Variants in GABRG1 observed in about 807,000 individuals in gnomAD.
GABRG1 encodes the protein gamma-aminobutyric acid receptor subunit gamma-1.
A neutral mutation model predicts 49.8 loss-of-function variants in GABRG1; 49 were observed. That is an observed-to-expected ratio of 0.98 (90% CI 0.78 to 1.25). GABRG1 has a LOEUF of 1.25. Ranked by LOEUF, GABRG1 falls within the 50% of genes most tolerant of loss-of-function variation. The probability of loss-of-function intolerance (pLI) is 0.00; values close to 1 mark genes in which losing one functional copy is unlikely to be tolerated. For missense variants in GABRG1, 552 were observed against 552.3 expected, an observed-to-expected ratio of 1.00 and a Z score of 0.01; for synonymous variants, 232 against 185.1, an observed-to-expected ratio of 1.25 and a Z score of -2.06.
At chr4:46,088,387 A>T (rs11931917) in intron 2 of GABRG1, among the ~76,000 whole-genome samples, 2 of 151,768 alleles carry the variant, frequency 1.3e-5, no homozygotes, top group Non-Finnish European at 2.9e-5. Flanking sequence ...TAAACACAAA[A>T]TATTTCTGTG....
chr4:46,067,270 T>A (rs936658123), intron 3 of GABRG1, among the ~76,000 whole-genome samples: 8 of 152,108 alleles, frequency 5.3e-5, no homozygotes, highest in Non-Finnish European at 7.4e-5. Flanking sequence ...CCTCATTTTA[T>A]CTATTTTTGA....
chr4:46,082,117 T>A (rs1461538928), intron 3 of GABRG1, among the ~76,000 whole-genome samples: 2 of 151,844 alleles, frequency 1.3e-5, no homozygotes, highest in Non-Finnish European at 2.9e-5. Flanking sequence ...GAAATGGGAT[T>A]ATTAGCGTTT....
At chr4:46,061,325 A>G (rs1427352335) in intron 5 of GABRG1, among the ~76,000 whole-genome samples, 1 of 152,104 alleles carries the variant, frequency 6.6e-6, no homozygotes, top group Non-Finnish European at 1.5e-5. Context: ...TCATTAAGAA[A>G]ATTCAAGAAT....
chr4:46,079,038 G>C (rs565262598), intron 3 of GABRG1, among the ~76,000 whole-genome samples: 1 of 150,430 alleles, frequency 6.6e-6, no homozygotes, highest in South Asian at 2.1e-4. Context: ...TGTGACTTCT[G>C]TAGCTCCACA....
intron 2 of GABRG1, among the ~76,000 whole-genome samples, chr4:46,091,016 A>G (rs1252848620): frequency 6.6e-6 from 1 of 151,350 alleles, no homozygotes; most frequent in Admixed American, 6.6e-5. Flanking sequence ...CGGACATTCT[A>G]CATGGGATTT....
chr4:46,097,056 G>T, intron 2 of GABRG1, 145 bp downstream of exon 2: 1 of 657,538 alleles, frequency 1.5e-6, no homozygotes, highest in Non-Finnish European at 2.3e-6. Flanking sequence ...AAACATTAGT[G>T]ACCATTCTAA....
At chr4:46,109,873 G>T (rs1720665824) in intron 1 of GABRG1, among the ~76,000 whole-genome samples, 1 of 151,046 alleles carries the variant, frequency 6.6e-6, no homozygotes, top group African/African-American at 2.4e-5. Flanking sequence ...TGTGGTCCAA[G>T]ACTATAGGTG....
chr4:46,076,286 A>G (rs971941712), intron 3 of GABRG1, among the ~76,000 whole-genome samples: 21 of 148,146 alleles, frequency 1.4e-4, no homozygotes, highest in Non-Finnish European at 2.4e-4. Context: ...TAACATATGT[A>G]TCTCTACACA....
At chr4:46,101,664 C>A (rs1281786668) in intron 1 of GABRG1, among the ~76,000 whole-genome samples, 2 of 151,560 alleles carry the variant, frequency 1.3e-5, no homozygotes, top group African/African-American at 4.8e-5. Flanking sequence ...CATTTTCAAT[C>A]CAATGACACA....
At chr4:46,043,968 T>C (rs1717886559) in intron 8 of GABRG1, among the ~76,000 whole-genome samples, 1 of 152,020 alleles carries the variant, frequency 6.6e-6, no homozygotes, top group African/African-American at 2.4e-5. Context: ...TATTATACCA[T>C]CTGCTAAAAT....
At chr4:46,078,695 G>A (rs1420764927) in intron 3 of GABRG1, among the ~76,000 whole-genome samples, 3 of 151,896 alleles carry the variant, frequency 2.0e-5, no homozygotes, top group African/African-American at 7.2e-5. Flanking sequence ...AAATGAGTTT[G>A]AAAAGTTAAA....
chr4:46,053,032 GT>G (rs1718290947), intron 7 of GABRG1, among the ~76,000 whole-genome samples: 1 of 151,592 alleles, frequency 6.6e-6, no homozygotes, highest in African/African-American at 2.4e-5. Flanking sequence ...TCTTAACAAA[GT>G]TTTTCAACTC....
At chr4:46,084,207 A>C (rs1719671547) in intron 2 of GABRG1, among the ~76,000 whole-genome samples, 154 bp from the exon 3 acceptor site, 1 of 151,712 alleles carries the variant, frequency 6.6e-6, no homozygotes, top group Non-Finnish European at 1.5e-5. Context: ...TAGCCTTTAT[A>C]AAAAACAATC....
At chr4:46,093,845 A>T (rs912295291) in intron 2 of GABRG1, among the ~76,000 whole-genome samples, 1 of 151,990 alleles carries the variant, frequency 6.6e-6, no homozygotes, top group African/African-American at 2.4e-5. Flanking sequence ...TGGACTAAAA[A>T]TTTTTAAAGG....
chr4:46,075,569 G>T (rs562318168), intron 3 of GABRG1, among the ~76,000 whole-genome samples: 8 of 151,982 alleles, frequency 5.3e-5, no homozygotes, highest in South Asian at 4.2e-4. Context: ...TGAGAACTTG[G>T]TTTTTTCTTT....
intron 8 of GABRG1, 86 bp from the exon 9 acceptor site, chr4:46,041,340 G>T: frequency 8.7e-7 from 1 of 1,149,818 alleles, no homozygotes; most frequent in Non-Finnish European, 1.2e-6. Flanking sequence ...AACTCTAGGA[G>T]ACTGACAGGT....
chr4:46,077,913 T>C (rs1005123326), intron 3 of GABRG1, among the ~76,000 whole-genome samples: 1 of 151,766 alleles, frequency 6.6e-6, no homozygotes, highest in Non-Finnish European at 1.5e-5. Flanking sequence ...GAACTTTCAC[T>C]TCATATTTAT....
At chr4:46,048,902 T>C (rs1177779175) in intron 8 of GABRG1, among the ~76,000 whole-genome samples, 1 of 151,886 alleles carries the variant, frequency 6.6e-6, no homozygotes, top group Non-Finnish European at 1.5e-5. Context: ...CAAAAAAAAC[T>C]GAACATTTTG....
intron 1 of GABRG1, among the ~76,000 whole-genome samples, chr4:46,102,599 A>G (rs1157270549): frequency 6.7e-6 from 1 of 148,930 alleles, no homozygotes; most frequent in African/African-American, 2.6e-5. Flanking sequence ...TTTCTCAAAG[A>G]CTTCTTCACA....
Sources: gnomAD v4.1 joint callset for allele counts (sites outside exome capture counted in the v4.1 genomes callset) on GRCh38, gnomAD v4.1.1 for gene constraint, MANE v1.5 for transcripts, NCBI Gene and HGNC (gene_info 2026-07-23, HGNC 2026-07-21) for gene names.